Variants in SAXO1 observed in about 807,000 individuals in gnomAD.
SAXO1 encodes the protein stabilizer of axonemal microtubules 1, also known as 4930500O09Rik.
Under a neutral mutation model 17.5 loss-of-function variants are expected in SAXO1, and 21 were observed. The ratio of observed to expected loss-of-function variants is 1.20; its 90% confidence interval spans 0.85 to 1.72. The LOEUF is 1.72. Ranked by LOEUF, SAXO1 falls within the 40% of genes most tolerant of loss-of-function variation. The probability of loss-of-function intolerance (pLI) is 0.00; values close to 1 mark genes in which losing one functional copy is unlikely to be tolerated. For synonymous variants in SAXO1, 274 were observed against 216.5 expected (o/e 1.27, Z -2.33); for missense variants, 843 against 596.0 (o/e 1.41, Z -4.32).
intron 1 of SAXO1, among the ~76,000 whole-genome samples, chr9:18,983,088 G>GA (rs905158051): frequency 6.0e-5 from 9 of 150,552 alleles, no homozygotes; most frequent in East Asian, 3.9e-4. Flanking sequence ...AAAAGGAAAG[G>GA]AAAAAAAAAG....
intron 1 of SAXO1, among the ~76,000 whole-genome samples, chr9:19,004,665 A>T (rs1169554928): frequency 6.6e-6 from 1 of 152,100 alleles, no homozygotes; most frequent in Non-Finnish European, 1.5e-5. Context: ...GAGTTGAACA[A>T]TGAGAACACT....
In SAXO1 at chr9:19,049,062, G is replaced by T. The variant is rs1401279439; in HGVS notation, c.-158+147C>A. 1 of 152,418 alleles carries T rather than the reference G, an allele frequency of 6.6e-6. No individual in the cohort carries two copies. 9.4% of individuals were successfully genotyped at this position (152,418 alleles called of 1,614,324 possible). A position where few individuals can be genotyped will look rare whatever the true frequency, so the allele number is the denominator to read the frequency against. ...AGGCCTAAGCGGACTGGGAAGTTAG[G>T]CTTTCCCTCCACTTCACCAGTCGGC... is the stretch of plus-strand genomic sequence containing the variant. On this transcript the variant is annotated intron_variant, in intron 1 of 3. Transcript: ENST00000542071. This position sits in a 1 kb window ranked among gnomAD's most constrained non-coding sequence, Gnocchi z 5.4.
rs1430508165 is a variant in SAXO1, at chr9:18,963,548, T to C, written c.39-12611A>G. On this transcript the variant is annotated intron_variant, in intron 1 of 3. Transcript: ENST00000380534. The stretch of plus-strand genomic sequence containing the variant: ...GTAAGTTGTATTCCTAGGTTTTTTA[T>C]TCTCTTCGTAGCAATTGTGAATGGA... Among the ~76,000 whole-genome samples the C allele has an allele frequency of 2.6e-5, 4 of 152,228 alleles. 1 individual carries two copies. Among genetic ancestry groups the C allele is most frequent in the African/African-American group, 4.8e-5 (2 of 41,466 alleles).
rs115513565 is a variant in SAXO1 at position 19,033,128 on chromosome 9, C to T, written c.-220G>A. 550 of 482,564 alleles carry T rather than the reference C, an allele frequency of 1.1e-3. 1 individual carries two copies. The highest frequency in any genetic ancestry group is 9.5e-3 in the African/African-American group (476 of 50,290). 29.9% of individuals were successfully genotyped at this position (482,564 alleles called of 1,614,324 possible). ...GAGGTAGCAGCAGGGGGCTTGCACG[C>T]GCGCCAGCCCGGGAGACCTCACCCT... On this transcript the variant is annotated 5_prime_UTR_variant, in exon 1 of 4. Coordinates refer to ENST00000380534, the MANE Select transcript of SAXO1 (RefSeq NM_153707.4).
chr9:19,006,841 T>C (rs764728386), intron 1 of SAXO1, among the ~76,000 whole-genome samples: 19 of 151,530 alleles, frequency 1.3e-4, no homozygotes, highest in Non-Finnish European at 2.1e-4. Context: ...AGGTCAAGCG[T>C]TCAAGACCAG....
At chr9:18,971,081 C>T (rs540073991) in intron 1 of SAXO1, among the ~76,000 whole-genome samples, 4 of 152,244 alleles carry the variant, frequency 2.6e-5, no homozygotes, top group African/African-American at 7.2e-5. Context: ...CTGCACCAGC[C>T]CTCCTACCCA....
At chr9:19,044,732 G>A (rs966459141) in intron 1 of SAXO1, among the ~76,000 whole-genome samples, 2 of 151,784 alleles carry the variant, frequency 1.3e-5, no homozygotes, top group East Asian at 2.0e-4. Context: ...GTGTGGTGGC[G>A]GGCGCCTGTA....
At chr9:18,976,814 C>G (rs139152995) in intron 1 of SAXO1, among the ~76,000 whole-genome samples, 269 of 152,290 alleles carry the variant, frequency 1.8e-3, no homozygotes, top group African/African-American at 6.3e-3. Flanking sequence ...TGATAAGAAA[C>G]TGGTTTAGCT....
chr9:18,995,286 A>C (rs935387515), intron 1 of SAXO1, among the ~76,000 whole-genome samples: 4 of 152,166 alleles, frequency 2.6e-5, no homozygotes, highest in African/African-American at 4.8e-5. Flanking sequence ...ATCAGTATCT[A>C]TCTCTCTCTC....
intron 3 of SAXO1, among the ~76,000 whole-genome samples, chr9:18,941,310 CT>C (rs1831545067): frequency 1.5e-5 from 1 of 66,956 alleles, no homozygotes; most frequent in Admixed American, 1.4e-4. Context: ...TGCTACTATG[CT>C]AAAAAAAAAA....
chr9:18,971,271 C>G (rs1275289352), intron 1 of SAXO1, among the ~76,000 whole-genome samples: 2 of 152,116 alleles, frequency 1.3e-5, no homozygotes, highest in African/African-American at 4.8e-5. Context: ...GCTGCCAAAA[C>G]TGAATATTCC....
In SAXO1 at chr9:18,995,444, G is replaced by A. The variant is rs550367800; in HGVS notation, c.38+37427C>T. Among the ~76,000 whole-genome samples the A allele has an allele frequency of 3.9e-4, 60 of 152,248 alleles. 1 individual carries two copies. Among genetic ancestry groups the A allele is most frequent in the Non-Finnish European group, 7.9e-4 (54 of 68,008 alleles). On this transcript the variant is annotated intron_variant, in intron 1 of 3. Coordinates refer to ENST00000380534, the MANE Select transcript of SAXO1 (RefSeq NM_153707.4). ...TATCCGTCCAACCAAGGTCACCTAG[G>A]CTTACTGTCTGAAGTAGAATTTGTG... is the stretch of plus-strand genomic sequence containing the variant.
intron 1 of SAXO1, among the ~76,000 whole-genome samples, chr9:19,031,917 A>AT (rs1412524281): frequency 1.3e-5 from 2 of 152,126 alleles, no homozygotes; most frequent in Non-Finnish European, 2.9e-5. Context: ...TACTGATACC[A>AT]TTTTTATATG....
intron 1 of SAXO1, among the ~76,000 whole-genome samples, chr9:19,007,902 A>C (rs1384643808): frequency 2.0e-5 from 3 of 152,088 alleles, no homozygotes; most frequent in African/African-American, 7.2e-5. Flanking sequence ...CTTTTGTACT[A>C]CAAAGACAGA....
intron 2 of SAXO1, among the ~76,000 whole-genome samples, chr9:18,949,648 G>A (rs1831945524): frequency 6.7e-6 from 1 of 148,682 alleles, no homozygotes; most frequent in Non-Finnish European, 1.5e-5. Flanking sequence ...GAAGATGGCA[G>A]CATTGTGTAG....
chr9:18,930,779 G>C (rs12341343), intron 3 of SAXO1, among the ~76,000 whole-genome samples: 5 of 152,272 alleles, frequency 3.3e-5, no homozygotes, highest in South Asian at 4.1e-4. Flanking sequence ...GATCACAGGC[G>C]TGAGCCACCA....
intron 1 of SAXO1, among the ~76,000 whole-genome samples, chr9:18,977,470 CAGAGGTTAAATCATCCA>C (rs1468739498): frequency 3.3e-5 from 5 of 152,200 alleles, no homozygotes; most frequent in Non-Finnish European, 7.3e-5. Flanking sequence ...CTAAGGCTTA[CAGAGGTTAAATCATCCA>C]AGATCTTTCG....
chr9:19,022,999 C>G (rs1835312015), intron 1 of SAXO1, among the ~76,000 whole-genome samples: 1 of 152,118 alleles, frequency 6.6e-6, no homozygotes, highest in South Asian at 2.1e-4. Context: ...TATGAACTCA[C>G]AAAGCCTAAT....
At chr9:19,040,060 C>A (rs902832198) in intron 1 of SAXO1, among the ~76,000 whole-genome samples, 1 of 152,034 alleles carries the variant, frequency 6.6e-6, no homozygotes, top group Non-Finnish European at 1.5e-5. Flanking sequence ...TATGTTCCAA[C>A]CTTATATGTT....
Sources: allele counts gnomAD v4.1 joint callset (sites outside exome capture counted in the v4.1 genomes callset), GRCh38; gene constraint gnomAD v4.1.1; non-coding constraint Gnocchi (gnomAD v3.1); transcripts MANE v1.5; gene names NCBI Gene and HGNC (gene_info 2026-07-23, HGNC 2026-07-21).